INSC: variants seen among roughly 807,000 people sequenced by gnomAD.
INSC encodes the protein INSC spindle orientation adaptor protein, also known as protein inscuteable homolog.
Under a neutral mutation model 58.6 loss-of-function variants are expected in INSC, and 67 were observed. The observed-to-expected ratio is 1.14, with a 90% confidence interval of 0.94 to 1.40. The LOEUF (loss-of-function observed/expected upper bound fraction) is 1.40. Among genes scored for constraint, INSC ranks in the 40% most tolerant of loss-of-function variants. INSC has a pLI of 0.00. For missense variants in INSC, 714 were observed against 692.0 expected (o/e 1.03, Z -0.36); for synonymous variants, 262 against 276.1 (o/e 0.95, Z 0.51).
At chr11:15,203,490 C>G (rs1850678109) in intron 7 of INSC, among the ~76,000 whole-genome samples, 1 of 152,212 alleles carries the variant, frequency 6.6e-6, no homozygotes, top group African/African-American at 2.4e-5. Context: ...GTAGAGCTTG[C>G]AAAGTGACTC....
At chr11:15,254,895 CT>C in the INSC span, among the ~76,000 whole-genome samples, 2 of 152,250 alleles carry the variant, frequency 1.3e-5, no homozygotes, top group Non-Finnish European at 1.5e-5. Context: ...AATGGAAAAG[CT>C]GGGACTTGGA....
At chr11:15,164,433 C>A (rs932236412) in intron 2 of INSC, among the ~76,000 whole-genome samples, 13 of 152,276 alleles carry the variant, frequency 8.5e-5, no homozygotes, top group Middle Eastern at 3.4e-3. Flanking sequence ...CGTTCCTGTG[C>A]CTCTGTTGTC....
chr11:15,241,933 A>C (rs1235400872), intron 12 of INSC, among the ~76,000 whole-genome samples: 1 of 152,208 alleles, frequency 6.6e-6, no homozygotes, highest in Non-Finnish European at 1.5e-5. Context: ...CGGGCTGTGA[A>C]AGTATTTGTA....
chr11:15,245,935 G>A lies in INSC; in HGVS notation c.1494G>A (p.Gly498=), dbSNP rs779149772. 71 of 1,614,034 alleles carry A rather than the reference G, an allele frequency of 4.4e-5. No individual in the cohort carries two copies. The highest frequency in any genetic ancestry group is 5.9e-5 in the Non-Finnish European group (70 of 1,179,994). ...AGGCTGCTCTGCGTAGATTGGCTGG[G>A]GTCTGCCCTGAAGGCCTCCAGGACT... ...ACLAALRRLA[G]VCPEGLQDSD... Residue 498 remains glycine (G), a synonymous_variant, in exon 13 of 13, where the codon GGG becomes GGA. Coordinates refer to ENST00000379556, the MANE Select transcript of INSC (RefSeq NM_001042536.3).
At chr11:15,229,994 TATATATATATATATATATAATATATATA>T (rs1851837625) in intron 9 of INSC, among the ~76,000 whole-genome samples, 2 of 27,504 alleles carry the variant, frequency 7.3e-5, no homozygotes, top group Non-Finnish European at 5.8e-5. Context: ...TATATATATA[TATATATATATATATATATAATATATATA>T]TATATATATA....
intron 7 of INSC, among the ~76,000 whole-genome samples, chr11:15,206,456 G>A (rs1344531030): frequency 6.6e-6 from 1 of 152,190 alleles, no homozygotes; most frequent in Non-Finnish European, 1.5e-5. Context: ...GGGTCTTTGT[G>A]TTCAGTGAAT....
intron 1 of INSC, among the ~76,000 whole-genome samples, chr11:15,145,551 C>T (rs936413692): frequency 6.6e-6 from 1 of 152,134 alleles, no homozygotes; most frequent in Non-Finnish European, 1.5e-5. Context: ...GTAGGAGCTT[C>T]CCTGAGGATA....
intron 7 of INSC, 26 bp downstream of exon 7, chr11:15,200,975 C>T (rs551736790): frequency 6.3e-6 from 10 of 1,574,970 alleles, no homozygotes; most frequent in Middle Eastern, 2.1e-4. Flanking sequence ...TGGGTGGTGC[C>T]TGAGGTCCTC....
At chr11:15,180,044 C>T (rs1849708077) in intron 5 of INSC, among the ~76,000 whole-genome samples, 1 of 152,124 alleles carries the variant, frequency 6.6e-6, no homozygotes, top group African/African-American at 2.4e-5. Flanking sequence ...ATCACGAGGT[C>T]AGGAGATCGA....
chr11:15,214,838 G>A (rs760140918), intron 7 of INSC, among the ~76,000 whole-genome samples: 26 of 152,148 alleles, frequency 1.7e-4, no homozygotes, highest in Non-Finnish European at 3.4e-4. Context: ...ATAAAAAGAT[G>A]AGTTCAGCTT....
downstream of INSC, among the ~76,000 whole-genome samples, chr11:15,249,223 G>C (rs1269729219): frequency 6.6e-6 from 1 of 152,168 alleles, no homozygotes; most frequent in Non-Finnish European, 1.5e-5. Context: ...ATTGGATCTG[G>C]GTAAGGTTAG....
chr11:15,236,598 C>T (rs1852140938), intron 10 of INSC, among the ~76,000 whole-genome samples: 1 of 152,152 alleles, frequency 6.6e-6, no homozygotes, highest in Admixed American at 6.5e-5. Context: ...GTTTCATTGG[C>T]CTGGAAGCTG....
At chr11:15,260,426 T>C in the INSC span, among the ~76,000 whole-genome samples, 1 of 152,134 alleles carries the variant, frequency 6.6e-6, no homozygotes, top group Non-Finnish European at 1.5e-5. Context: ...AATACAGGTA[T>C]GGGGGTCATC....
intron 1 of INSC, among the ~76,000 whole-genome samples, chr11:15,137,173 T>C (rs1321335641): frequency 6.6e-6 from 1 of 152,158 alleles, no homozygotes; most frequent in Non-Finnish European, 1.5e-5. Context: ...AGCAGTGAGC[T>C]TAAAATACTC....
At position 15,140,355 on chromosome 11, in the gene INSC, G is replaced by A. The variant is rs145673323; in HGVS notation, c.-45-8775G>A. ...CCACAGCAAGGGAAAAAGTGCAAGC[G>A]TACTTGCGCTTTCCCAGTTTTACAG... On this transcript the variant is annotated intron_variant, in intron 1 of 12. Transcript: ENST00000379556. Among the ~76,000 whole-genome samples, 1,178 of 152,240 alleles carry A rather than the reference G, an allele frequency of 7.7e-3. 15 individuals are homozygous for A. The highest frequency in any genetic ancestry group is 0.027 in the African/African-American group (1,126 of 41,542).
chr11:15,199,781 C>G (rs1230694574), intron 6 of INSC, among the ~76,000 whole-genome samples: 1 of 152,136 alleles, frequency 6.6e-6, no homozygotes. Context: ...TGCTGCCAAC[C>G]CTAGGCACCC....
At chr11:15,200,977 G>T (rs1189568590) in intron 7 of INSC, 28 bp downstream of exon 7, 1 of 1,573,820 alleles carries the variant, frequency 6.4e-7, no homozygotes, top group Non-Finnish European at 8.6e-7. Context: ...GGTGGTGCCT[G>T]AGGTCCTCAA....
At chr11:15,234,047 A>G (rs562549511) in intron 9 of INSC, among the ~76,000 whole-genome samples, 1 of 152,374 alleles carries the variant, frequency 6.6e-6, no homozygotes, top group Admixed American at 6.5e-5. Context: ...AATACGTAAA[A>G]GAGCCTCTAA....
At chr11:15,222,457 T>C (rs1458138184) in intron 8 of INSC, among the ~76,000 whole-genome samples, 1 of 152,158 alleles carries the variant, frequency 6.6e-6, no homozygotes, top group Non-Finnish European at 1.5e-5. Flanking sequence ...ATATCTGAAA[T>C]AGCATGAACT....
Sources: gnomAD v4.1 joint callset for allele counts (sites outside exome capture counted in the v4.1 genomes callset) on GRCh38, gnomAD v4.1.1 for gene constraint, MANE v1.5 for transcripts, NCBI Gene and HGNC (gene_info 2026-07-23, HGNC 2026-07-21) for gene names.